The following CHMP3 variants were observed in gnomAD, a reference collection of about 807,000 sequenced individuals.
The protein encoded by CHMP3 is 25.1 protein.
CHMP3 carries 8 observed loss-of-function variants against 27.4 expected under a neutral mutation model. The ratio of observed to expected loss-of-function variants is 0.29; its 90% CI spans 0.17 to 0.53. The LOEUF (loss-of-function observed/expected upper bound fraction) is 0.53. Among genes scored for constraint, CHMP3 ranks in the 20% least tolerant of loss-of-function variants. The pLI, the probability that CHMP3 is intolerant of heterozygous loss-of-function variation, is 0.96. For synonymous variants in CHMP3, 86 were observed against 85.5 expected (o/e 1.01, Z -0.03); for missense variants, 208 against 271.5 (o/e 0.77, Z 1.64).
At chr2:86,526,942 T>C (rs1675736499) in intron 3 of CHMP3, 1 of 152,142 alleles carries the variant, frequency 6.6e-6, no homozygotes, top group South Asian at 2.1e-4. Context: ...GTATCTATAG[T>C]ATGATACCAT....
At chr2:86,525,443 C>T (rs1675665329) in intron 3 of CHMP3, among the ~76,000 whole-genome samples, 3 of 151,754 alleles carry the variant, frequency 2.0e-5, no homozygotes, top group Non-Finnish European at 2.9e-5. Flanking sequence ...ACTCCTTTCC[C>T]GCTTTTCTCC....
intron 4 of CHMP3, among the ~76,000 whole-genome samples, chr2:86,509,369 T>C (rs1013043335): frequency 6.6e-6 from 1 of 152,222 alleles, no homozygotes; most frequent in African/African-American, 2.4e-5. Flanking sequence ...TTACTGCTAC[T>C]GCCCAAGGAG....
At chr2:86,513,914 CCAG>C (rs1675197379) in intron 3 of CHMP3, among the ~76,000 whole-genome samples, 1 of 152,190 alleles carries the variant, frequency 6.6e-6, no homozygotes, top group South Asian at 2.1e-4. Flanking sequence ...GGTTTGAACC[CCAG>C]CTCCGCCATT....
chr2:86,558,696 C>A (rs1677225166), intron 1 of CHMP3, among the ~76,000 whole-genome samples: 1 of 152,156 alleles, frequency 6.6e-6, no homozygotes, highest in African/African-American at 2.4e-5. Context: ...TTTCAGCCCC[C>A]AACAGAAGGA....
intron 3 of CHMP3, among the ~76,000 whole-genome samples, chr2:86,517,281 T>C (rs1675346634): frequency 6.6e-6 from 1 of 152,130 alleles, no homozygotes; most frequent in African/African-American, 2.4e-5. Flanking sequence ...AAAATTAGTT[T>C]CATGGCCAGG....
chr2:86,563,173 G>A (rs1426776734), intron 1 of CHMP3, 131 bp downstream of exon 1: 7 of 1,108,396 alleles, frequency 6.3e-6, no homozygotes, highest in Non-Finnish European at 9.2e-6. Context: ...CCCCTGTCGA[G>A]TGGGAGTCCC....
intron 1 of CHMP3, among the ~76,000 whole-genome samples, chr2:86,546,488 A>C (rs1287533641): frequency 6.8e-6 from 1 of 146,296 alleles, no homozygotes; most frequent in East Asian, 2.0e-4. Context: ...GCCAGGCTGG[A>C]GTACAGTGGC....
chr2:86,546,385 A>C (rs902678891), intron 1 of CHMP3, among the ~76,000 whole-genome samples: 1 of 26,784 alleles, frequency 3.7e-5, no homozygotes, highest in Non-Finnish European at 7.7e-5. Flanking sequence ...GGGGAGGGGG[A>C]GGGGGAGTAG....
At chr2:86,558,036 C>T (rs760896165) in intron 1 of CHMP3, among the ~76,000 whole-genome samples, 7 of 152,152 alleles carry the variant, frequency 4.6e-5, no homozygotes, top group Non-Finnish European at 8.8e-5. Flanking sequence ...TGAGTCATGA[C>T]CCAGTCTAAG....
intron 1 of CHMP3, among the ~76,000 whole-genome samples, chr2:86,553,275 C>T (rs1676983330): frequency 6.6e-6 from 1 of 151,328 alleles, no homozygotes; most frequent in South Asian, 2.1e-4. Flanking sequence ...AAAACAAATG[C>T]TCTATTTTAC....
chr2:86,534,188 CTTTA>C (rs1380437913), intron 2 of CHMP3, among the ~76,000 whole-genome samples: 6 of 127,276 alleles, frequency 4.7e-5, no homozygotes, highest in East Asian at 2.4e-4. Context: ...GATCCAATTG[CTTTA>C]TTTCTTTTTT....
intron 2 of CHMP3, among the ~76,000 whole-genome samples, chr2:86,536,889 TTTTC>T (rs1023126008): frequency 2.0e-5 from 3 of 152,196 alleles, no homozygotes; most frequent in South Asian, 2.1e-4. Flanking sequence ...GCCCATTTTT[TTTTC>T]TTTTTCTTTT....
intron 2 of CHMP3, among the ~76,000 whole-genome samples, chr2:86,530,245 G>A (rs951509868): frequency 6.6e-6 from 1 of 151,952 alleles, no homozygotes; most frequent in African/African-American, 2.4e-5. Flanking sequence ...CACCTGCCTC[G>A]GCCTCCCAAA....
intron 1 of CHMP3, among the ~76,000 whole-genome samples, chr2:86,546,732 C>G (rs962822510): frequency 3.7e-4 from 56 of 152,116 alleles, no homozygotes; most frequent in African/African-American, 1.2e-3. Flanking sequence ...GCCACTGCAC[C>G]CAGCCGAAGT....
chr2:86,552,541 G>A (rs1020422511), intron 1 of CHMP3, among the ~76,000 whole-genome samples: 4 of 152,170 alleles, frequency 2.6e-5, no homozygotes, highest in African/African-American at 9.7e-5. Context: ...CTGAAGAGCT[G>A]GACATTCACA....
At chr2:86,517,436 G>T (rs2104752788) in intron 3 of CHMP3, among the ~76,000 whole-genome samples, 2 of 151,734 alleles carry the variant, frequency 1.3e-5, no homozygotes, top group South Asian at 4.2e-4. Context: ...TGTGGTGGCG[G>T]GCACCTGTAG....
At chr2:86,559,340 ACAC>A (rs1403185230) in intron 1 of CHMP3, among the ~76,000 whole-genome samples, 1 of 152,192 alleles carries the variant, frequency 6.6e-6, no homozygotes, top group Non-Finnish European at 1.5e-5. Context: ...GGACTGAGCT[ACAC>A]CACTGGCTTC....
intron 2 of CHMP3, chr2:86,541,511 C>T (rs1412598916): frequency 2.6e-5 from 4 of 152,118 alleles, no homozygotes; most frequent in African/African-American, 9.7e-5. Flanking sequence ...CTTCCATGGG[C>T]TATAATCCAG....
chr2:86,511,385 A>G (rs1675102023), intron 3 of CHMP3: 1 of 152,190 alleles, frequency 6.6e-6, no homozygotes, highest in African/African-American at 2.4e-5. Flanking sequence ...AGTTGCAGAG[A>G]ACACTTCATT....
Sources: allele counts gnomAD v4.1 joint callset (sites outside exome capture counted in the v4.1 genomes callset), GRCh38; gene constraint gnomAD v4.1.1; transcripts MANE v1.5; gene names NCBI Gene and HGNC (gene_info 2026-07-23, HGNC 2026-07-21).